CNTNAP3B: variants seen among roughly 807,000 people sequenced by gnomAD.
The protein encoded by CNTNAP3B is contactin-associated protein-like 3B.
Under a neutral mutation model 108.9 loss-of-function variants are expected in CNTNAP3B, and 25 were observed. The observed-to-expected ratio is 0.23, with a 90% CI of 0.17 to 0.32. The LOEUF (loss-of-function observed/expected upper bound fraction) is 0.32, where lower values mean the gene tolerates loss of function less well. Ranked by LOEUF, CNTNAP3B falls within the 10% of genes least tolerant of loss-of-function variation. The pLI is 1.00. For synonymous variants in CNTNAP3B, 103 were observed against 473.4 expected (o/e 0.22, Z 10.16); for missense variants, 252 against 1,210.4 (o/e 0.21, Z 11.75).
chr9:41,924,644 TGCACACACAC>T (rs2117967544), intron 15 of CNTNAP3B, among the ~76,000 whole-genome samples: 1 of 95,618 alleles, frequency 1.0e-5, no homozygotes, highest in East Asian at 2.6e-4. Context: ...CTTTCCTTCC[TGCACACACAC>T]ACACACACAC....
chr9:42,032,826 G>A (rs1275831045), intron 3 of CNTNAP3B, among the ~76,000 whole-genome samples: 16 of 135,990 alleles, frequency 1.2e-4, no homozygotes, highest in African/African-American at 3.4e-4. Context: ...CTTTCTTCCT[G>A]GCTTGTGGAC....
intron 1 of CNTNAP3B, among the ~76,000 whole-genome samples, chr9:42,108,037 A>C (rs1349395183): frequency 1.5e-5 from 2 of 136,840 alleles, no homozygotes; most frequent in Non-Finnish European, 3.1e-5. Context: ...ACATAAGAAC[A>C]TATCTGGTAC....
chr9:41,925,857 T>A (rs996469554), intron 15 of CNTNAP3B, among the ~76,000 whole-genome samples: 1 of 152,296 alleles, frequency 6.6e-6, no homozygotes, highest in Non-Finnish European at 1.5e-5. Context: ...CTCTGCCACA[T>A]TTCTGGAATC....
At chr9:42,071,304 A>C (rs556847184) in intron 3 of CNTNAP3B, among the ~76,000 whole-genome samples, 53 of 145,968 alleles carry the variant, frequency 3.6e-4, no homozygotes, top group African/African-American at 1.4e-3. Context: ...TCAGGAAGAG[A>C]TAATTTACCC....
intron 3 of CNTNAP3B, among the ~76,000 whole-genome samples, chr9:42,030,680 T>C: frequency 1.3e-5 from 1 of 76,298 alleles, no homozygotes. Context: ...CCTGGGCCCC[T>C]CACTGGACAC....
intron 18 of CNTNAP3B, among the ~76,000 whole-genome samples, chr9:41,916,477 GA>G (rs921635857): frequency 2.6e-5 from 4 of 152,210 alleles, no homozygotes; most frequent in Admixed American, 1.3e-4. Context: ...CCTTCAACCT[GA>G]AGGAACGTTC....
chr9:42,042,926 A>T (rs1336219515), intron 3 of CNTNAP3B, among the ~76,000 whole-genome samples: 1 of 147,020 alleles, frequency 6.8e-6, no homozygotes. Context: ...TTTTTAACTA[A>T]TTGACTTTTT....
At chr9:42,030,836 G>GAGAGAGAGAC (rs1296984965) in intron 3 of CNTNAP3B, among the ~76,000 whole-genome samples, 1 of 127,342 alleles carries the variant, frequency 7.9e-6, no homozygotes, top group Non-Finnish European at 1.7e-5. Flanking sequence ...GAGAGAGAGA[G>GAGAGAGAGAC]AGAGAGAGAG....
chr9:42,036,695 G>A (rs1282738587), intron 3 of CNTNAP3B, among the ~76,000 whole-genome samples: 1 of 137,484 alleles, frequency 7.3e-6, no homozygotes, highest in Non-Finnish European at 1.5e-5. Flanking sequence ...TTTGAAGAGA[G>A]TAGTGGTTCT....
chr9:41,958,507 C>T (rs570413228), intron 12 of CNTNAP3B, among the ~76,000 whole-genome samples: 29 of 151,946 alleles, frequency 1.9e-4, no homozygotes, highest in Non-Finnish European at 2.2e-4. Context: ...GCCTGCAGTA[C>T]TATAAGTAAC....
intron 3 of CNTNAP3B, among the ~76,000 whole-genome samples, chr9:42,051,715 C>T (rs1432006064): frequency 8.4e-5 from 12 of 143,218 alleles, no homozygotes; most frequent in African/African-American, 2.9e-4. Flanking sequence ...ATTTATTGGC[C>T]GTTTAACTTT....
At chr9:42,030,821 A>ACAGAGAG (rs1826511256) in intron 3 of CNTNAP3B, among the ~76,000 whole-genome samples, 2 of 121,068 alleles carry the variant, frequency 1.7e-5, no homozygotes, top group African/African-American at 7.1e-5. Flanking sequence ...GAGGAGAGAG[A>ACAGAGAG]GAGAGAGAGA....
At chr9:41,934,126 C>CACACATATATATATAT (rs1824074935) in intron 14 of CNTNAP3B, among the ~76,000 whole-genome samples, 4 of 22,276 alleles carry the variant, frequency 1.8e-4, no homozygotes, top group African/African-American at 5.6e-4. Context: ...TATATATACA[C>CACACATATATATATAT]ACACATATAT....
At chr9:41,999,771 A>T (rs1825964641) in intron 4 of CNTNAP3B, among the ~76,000 whole-genome samples, 1 of 51,268 alleles carries the variant, frequency 2.0e-5, no homozygotes, top group Admixed American at 2.3e-4. Flanking sequence ...TTCACTATAA[A>T]TGTCACATAT....
In CNTNAP3B at chr9:42,125,867, C is replaced by T. The variant is rs564008907; in HGVS notation, c.85+3143G>A. 9.6e-4 allele frequency among the ~76,000 whole-genome samples: 122 copies of T among 127,664 alleles called. 23 individuals are homozygous for T. Among genetic ancestry groups the T allele is most frequent in the African/African-American group, 3.7e-3 (117 of 31,504 alleles). The allele number at this position is 127,664 out of a possible 152,430, so 83.8% of individuals were successfully genotyped here. ...TCCCGACCTCAAGTGATCCACCCGC[C>T]TCAGCCTCCCAAAGTGCTGAGATTA... On this transcript the variant is annotated intron_variant, in intron 1 of 23. Transcript: ENST00000377561.
intron 13 of CNTNAP3B, among the ~76,000 whole-genome samples, chr9:41,947,536 A>T (rs1320899975): frequency 6.6e-6 from 1 of 152,230 alleles, no homozygotes; most frequent in African/African-American, 2.4e-5. Context: ...AAATGTAGGT[A>T]AAACTGTGTT....
intron 18 of CNTNAP3B, among the ~76,000 whole-genome samples, chr9:41,919,476 C>T (rs1251121786): frequency 1.3e-5 from 2 of 152,298 alleles, no homozygotes; most frequent in African/African-American, 4.8e-5. Context: ...CTGCACTCCT[C>T]TAAGAAGAGT....
At chr9:42,030,813 G>GAGGAGAGAGAGAGAGA (rs1156882673) in intron 3 of CNTNAP3B, among the ~76,000 whole-genome samples, 1 of 65,746 alleles carries the variant, frequency 1.5e-5, no homozygotes, top group Non-Finnish European at 2.7e-5. Flanking sequence ...GAGAGAGAGA[G>GAGGAGAGAGAGAGAGA]GAGAGAGAGA....
chr9:41,917,956 C>T (rs1248929297), intron 18 of CNTNAP3B, among the ~76,000 whole-genome samples: 2 of 152,312 alleles, frequency 1.3e-5, no homozygotes, highest in Admixed American at 6.5e-5. Flanking sequence ...ATGCCTCAAA[C>T]TCTCACTGTT....
Sources: allele counts gnomAD v4.1 joint callset (sites outside exome capture counted in the v4.1 genomes callset), GRCh38; gene constraint gnomAD v4.1.1; transcripts MANE v1.5; gene names NCBI Gene and HGNC (gene_info 2026-07-23, HGNC 2026-07-21).